Variants in FMNL2 observed in about 807,000 individuals in gnomAD.
FMNL2 encodes the protein formin-like protein 2.
A neutral mutation model predicts 130.2 loss-of-function variants in FMNL2; 51 were observed. The ratio of observed to expected loss-of-function variants is 0.39; its 90% CI spans 0.31 to 0.49. The LOEUF is 0.49. Among genes scored for constraint, FMNL2 ranks in the 20% least tolerant of loss-of-function variants. FMNL2 has a pLI of 0.85. For missense variants in FMNL2, 977 were observed against 1,316.2 expected, an observed-to-expected ratio of 0.74 and a Z score of 3.99; for synonymous variants, 465 against 467.1, an observed-to-expected ratio of 1.00 and a Z score of 0.06.
intron 1 of FMNL2, chr2:152,389,789 G>A (rs977576634): frequency 1.6e-5 from 23 of 1,474,346 alleles, no homozygotes; most frequent in Admixed American, 8.6e-5. Flanking sequence ...TTCCTTCGAC[G>A]CAAAACAGAC....
intron 9 of FMNL2, among the ~76,000 whole-genome samples, chr2:152,598,827 A>G (rs1225827160): frequency 6.6e-6 from 1 of 152,240 alleles, no homozygotes; most frequent in East Asian, 1.9e-4. Flanking sequence ...TGAAGATATA[A>G]GAGGAAACAT....
chr2:152,478,423 A>G (rs1690289854), intron 1 of FMNL2, among the ~76,000 whole-genome samples: 1 of 151,738 alleles, frequency 6.6e-6, no homozygotes, highest in African/African-American at 2.4e-5. Context: ...TTTTTAGTAG[A>G]GACGGGGTTT....
At chr2:152,402,539 C>T (rs750430123) in intron 1 of FMNL2, among the ~76,000 whole-genome samples, 8 of 152,168 alleles carry the variant, frequency 5.3e-5, no homozygotes, top group Non-Finnish European at 1.2e-4. Context: ...GTGATGTTTA[C>T]TGGTCCACGA....
intron 10 of FMNL2, 63 bp downstream of exon 10, chr2:152,607,476 C>T (rs1698435306): frequency 3.9e-6 from 2 of 519,206 alleles, no homozygotes; most frequent in South Asian, 4.8e-5. Flanking sequence ...TAAATACACA[C>T]ACACACACAC....
intron 1 of FMNL2, among the ~76,000 whole-genome samples, chr2:152,452,098 CTT>C (rs1232771050): frequency 6.6e-6 from 1 of 152,192 alleles, no homozygotes; most frequent in African/African-American, 2.4e-5. Flanking sequence ...TCCCTTCACT[CTT>C]TTCATCAAAG....
At chr2:152,562,036 C>A (rs866404643) in intron 6 of FMNL2, among the ~76,000 whole-genome samples, 1 of 152,172 alleles carries the variant, frequency 6.6e-6, no homozygotes, top group East Asian at 1.9e-4. Flanking sequence ...ATCATTCATT[C>A]ACTGAAAAAT....
intron 1 of FMNL2, among the ~76,000 whole-genome samples, chr2:152,427,960 T>TACA (rs1687284037): frequency 6.6e-6 from 1 of 152,230 alleles, no homozygotes; most frequent in Admixed American, 6.5e-5. Context: ...AGGATTACAT[T>TACA]CAGTGTACTG....
intron 16 of FMNL2, among the ~76,000 whole-genome samples, chr2:152,625,951 T>C (rs951208392): frequency 6.6e-6 from 1 of 152,186 alleles, no homozygotes; most frequent in Non-Finnish European, 1.5e-5. Context: ...CTGTGCAAGC[T>C]AATTATTGAA....
intron 1 of FMNL2, among the ~76,000 whole-genome samples, chr2:152,354,458 C>G (rs554817332): frequency 6.6e-6 from 1 of 152,164 alleles, no homozygotes; most frequent in South Asian, 2.1e-4. Flanking sequence ...CTAGGAGGCA[C>G]AGAAAGAAGA....
intron 1 of FMNL2, among the ~76,000 whole-genome samples, chr2:152,342,552 T>G (rs1195390469): frequency 1.3e-5 from 2 of 152,214 alleles, no homozygotes; most frequent in Non-Finnish European, 2.9e-5. Flanking sequence ...TTCTTAGTTC[T>G]CACCTACTTG....
At chr2:152,432,820 A>G (rs959391449) in intron 1 of FMNL2, among the ~76,000 whole-genome samples, 2 of 152,232 alleles carry the variant, frequency 1.3e-5, no homozygotes, top group African/African-American at 4.8e-5. Flanking sequence ...AGTGTAGGAT[A>G]ATACAGGAGA....
chr2:152,621,097 T>G, intron 15 of FMNL2: 1 of 985,466 alleles, frequency 1.0e-6, no homozygotes, highest in Non-Finnish European at 1.2e-6. Flanking sequence ...CTGTTGTCAG[T>G]AACTGGGTGT....
At chr2:152,385,100 C>G (rs978172097) in intron 1 of FMNL2, among the ~76,000 whole-genome samples, 4 of 152,214 alleles carry the variant, frequency 2.6e-5, no homozygotes, top group Non-Finnish European at 5.9e-5. Flanking sequence ...ACACCCTCCC[C>G]ACAAAGTGTG....
intron 1 of FMNL2, among the ~76,000 whole-genome samples, chr2:152,411,765 A>G (rs1050922634): frequency 1.3e-4 from 20 of 152,216 alleles, no homozygotes; most frequent in South Asian, 2.1e-4. Context: ...TTTTACTTGA[A>G]TGATTCCCAT....
intron 1 of FMNL2, among the ~76,000 whole-genome samples, chr2:152,438,699 G>A (rs146203440): frequency 2.8e-3 from 433 of 152,184 alleles, no homozygotes; most frequent in African/African-American, 7.6e-3. Flanking sequence ...GCTTCTTGGC[G>A]CGGGATGGAC....
At chr2:152,604,111 A>G (rs555749166) in intron 9 of FMNL2, among the ~76,000 whole-genome samples, 2 of 150,984 alleles carry the variant, frequency 1.3e-5, no homozygotes, top group African/African-American at 2.4e-5. Flanking sequence ...TATAATGACT[A>G]TGTCTTTTAG....
intron 1 of FMNL2, among the ~76,000 whole-genome samples, chr2:152,337,203 C>T (rs887724219): frequency 6.6e-6 from 1 of 152,146 alleles, no homozygotes; most frequent in Non-Finnish European, 1.5e-5. Flanking sequence ...CAAGATGGGA[C>T]ACTGAAATGA....
intron 1 of FMNL2, among the ~76,000 whole-genome samples, chr2:152,343,471 C>A (rs1341337178): frequency 5.3e-5 from 8 of 152,040 alleles, no homozygotes; most frequent in African/African-American, 1.9e-4. Flanking sequence ...AGTTTTTGTA[C>A]TTTTAGTAGA....
chr2:152,396,074 G>A (rs953550466), intron 1 of FMNL2, among the ~76,000 whole-genome samples: 1 of 152,188 alleles, frequency 6.6e-6, no homozygotes, highest in South Asian at 2.1e-4. Context: ...TTCTGTAAAT[G>A]TAAGTCTTGT....
Sources: allele counts gnomAD v4.1 joint callset (sites outside exome capture counted in the v4.1 genomes callset), GRCh38; gene constraint gnomAD v4.1.1; transcripts MANE v1.5; gene names NCBI Gene and HGNC (gene_info 2026-07-23, HGNC 2026-07-21).